Variants in AKAP7 observed in about 807,000 individuals in gnomAD.
The protein encoded by AKAP7 is A-kinase anchoring protein 7.
Under a neutral mutation model 39.5 loss-of-function variants are expected in AKAP7, and 39 were observed. The observed-to-expected ratio is 0.99, with a 90% CI of 0.76 to 1.29. The LOEUF (loss-of-function observed/expected upper bound fraction) is 1.29. AKAP7 is among the 50% of genes most tolerant of loss of function. The pLI is 0.00. For missense variants in AKAP7, 414 were observed against 407.7 expected, an observed-to-expected ratio of 1.02 and a Z score of -0.13; for synonymous variants, 140 against 139.1, an observed-to-expected ratio of 1.01 and a Z score of -0.05.
chr6:131,261,982 A>G (rs1331770450), intron 7 of AKAP7, among the ~76,000 whole-genome samples: 1 of 152,216 alleles, frequency 6.6e-6, no homozygotes, highest in Non-Finnish European at 1.5e-5. Flanking sequence ...GGACCCCCAC[A>G]TAGCCGAGAC....
chr6:131,182,865 T>C (rs1195077217), intron 5 of AKAP7, among the ~76,000 whole-genome samples: 1 of 152,200 alleles, frequency 6.6e-6, no homozygotes, highest in East Asian at 1.9e-4. Flanking sequence ...TTCATCGTTC[T>C]TTATAACAAA....
chr6:131,210,330 G>C (rs147886753), intron 6 of AKAP7, among the ~76,000 whole-genome samples: 1 of 152,288 alleles, frequency 6.6e-6, no homozygotes, highest in East Asian at 1.9e-4. Context: ...AGACAAAAAG[G>C]TTGTTGGCCT....
intron 2 of AKAP7, among the ~76,000 whole-genome samples, chr6:131,150,033 A>C (rs185982729): frequency 2.6e-5 from 4 of 152,154 alleles, no homozygotes. Flanking sequence ...TGCCTAGGCT[A>C]GTCTCAAACT....
chr6:131,238,158 T>C (rs1811234893), intron 7 of AKAP7, among the ~76,000 whole-genome samples: 1 of 152,214 alleles, frequency 6.6e-6, no homozygotes, highest in Non-Finnish European at 1.5e-5. Context: ...TTCATTTCAT[T>C]ATGTACCCAG....
At chr6:131,166,450 G>GAGGCAGGAGAA (rs1803507916) in intron 4 of AKAP7, among the ~76,000 whole-genome samples, 1 of 152,226 alleles carries the variant, frequency 6.6e-6, no homozygotes, top group African/African-American at 2.4e-5. Flanking sequence ...GTATCTGTCT[G>GAGGCAGGAGAA]TGTAGACATG....
chr6:131,170,513 T>A (rs1410304794), intron 5 of AKAP7, among the ~76,000 whole-genome samples: 7 of 152,226 alleles, frequency 4.6e-5, no homozygotes. Context: ...AGTGTTTACT[T>A]CCTTTTATTT....
At chr6:131,262,980 A>C (rs1216002070) in intron 7 of AKAP7, among the ~76,000 whole-genome samples, 1 of 152,188 alleles carries the variant, frequency 6.6e-6, no homozygotes, top group East Asian at 1.9e-4. Flanking sequence ...AAGGGGACCA[A>C]AGGCTCAGAC....
intron 1 of AKAP7, among the ~76,000 whole-genome samples, chr6:131,144,296 C>G (rs569971536): frequency 5.3e-5 from 8 of 152,072 alleles, no homozygotes; most frequent in Non-Finnish European, 8.8e-5. Context: ...CAGACGGGGT[C>G]GTGGCGGGGC....
intron 7 of AKAP7, among the ~76,000 whole-genome samples, chr6:131,258,491 C>G (rs1023138313): frequency 6.6e-6 from 1 of 152,178 alleles, no homozygotes; most frequent in African/African-American, 2.4e-5. Flanking sequence ...CTATCCCAGG[C>G]AGGATTTACA....
At chr6:131,259,805 ATTTT>A (rs1813159052) in intron 7 of AKAP7, among the ~76,000 whole-genome samples, 1 of 151,996 alleles carries the variant, frequency 6.6e-6, no homozygotes, top group African/African-American at 2.4e-5. Flanking sequence ...ATTTTTTTAA[ATTTT>A]ATTTTAAGTT....
chr6:131,264,871 C>CTG (rs984500392), intron 7 of AKAP7, among the ~76,000 whole-genome samples: 233 of 152,244 alleles, frequency 1.5e-3, no homozygotes, highest in African/African-American at 5.3e-3. Flanking sequence ...AAGAGAGGGA[C>CTG]TGGTGAGAAG....
At chr6:131,184,686 G>T in intron 5 of AKAP7, 2 of 782,764 alleles carry the variant, frequency 2.6e-6, no homozygotes, top group Non-Finnish European at 4.7e-6. Context: ...AGTTACAGTA[G>T]TTGTTGGGCA....
intron 1 of AKAP7, among the ~76,000 whole-genome samples, chr6:131,142,676 A>G (rs928509561): frequency 1.3e-5 from 2 of 152,244 alleles, no homozygotes; most frequent in Non-Finnish European, 2.9e-5. Context: ...AGTCTCCACC[A>G]GGGCACTGCC....
At chr6:131,140,174 A>T (rs144924152) in intron 1 of AKAP7, among the ~76,000 whole-genome samples, 1 of 152,180 alleles carries the variant, frequency 6.6e-6, no homozygotes, top group East Asian at 1.9e-4. Flanking sequence ...CATCGGAATT[A>T]CTCTGCAGAG....
At chr6:131,153,794 C>T (rs1456233054) in intron 2 of AKAP7, among the ~76,000 whole-genome samples, 2 of 151,984 alleles carry the variant, frequency 1.3e-5, no homozygotes, top group East Asian at 1.9e-4. Context: ...TATACATGGC[C>T]ACCCAATAAA....
chr6:131,139,055 A>G (rs553106936), intron 1 of AKAP7, among the ~76,000 whole-genome samples: 4 of 152,356 alleles, frequency 2.6e-5, no homozygotes, highest in African/African-American at 7.2e-5. Context: ...AGAGTTGGTT[A>G]TTTTAAGGCA....
chr6:131,164,035 A>G (rs1271018922), intron 3 of AKAP7, among the ~76,000 whole-genome samples: 1 of 152,186 alleles, frequency 6.6e-6, no homozygotes, highest in African/African-American at 2.4e-5. Flanking sequence ...ACAGCATCTC[A>G]TGATTTGCAC....
the AKAP7 span, among the ~76,000 whole-genome samples, chr6:131,126,551 TTAAA>T: frequency 6.6e-6 from 1 of 152,206 alleles, no homozygotes. Flanking sequence ...AGAAAGTTCA[TTAAA>T]TAACTAACTC....
At chr6:131,131,031 C>T (rs1229037847), upstream of AKAP7, among the ~76,000 whole-genome samples, 1 of 152,172 alleles carries the variant, frequency 6.6e-6, no homozygotes, top group Non-Finnish European at 1.5e-5. Flanking sequence ...GAAGCTTGTT[C>T]AGGCGTGAGC....
Sources: allele counts gnomAD v4.1 joint callset (sites outside exome capture counted in the v4.1 genomes callset), GRCh38; gene constraint gnomAD v4.1.1; transcripts MANE v1.5; gene names NCBI Gene and HGNC (gene_info 2026-07-23, HGNC 2026-07-21).